Variants in PSME4 observed in about 807,000 individuals in gnomAD.
PSME4 encodes proteasome activator subunit 4, also known as proteasome activator complex subunit 4.
In PSME4, 89 loss-of-function variants were observed where a neutral mutation model predicts 253.9. That is an observed-to-expected ratio of 0.35 (90% CI 0.30 to 0.42). The LOEUF is 0.42. Among genes scored for constraint, PSME4 ranks in the 10% least tolerant of loss-of-function variants. PSME4 has a pLI of 1.00. For synonymous variants in PSME4, 851 were observed against 759.2 expected, an observed-to-expected ratio of 1.12 and a Z score of -1.99; for missense variants, 2,014 against 2,195.2, an observed-to-expected ratio of 0.92 and a Z score of 1.65.
intron 41 of PSME4, among the ~76,000 whole-genome samples, chr2:53,876,723 T>A (rs940963684): frequency 7.6e-6 from 1 of 132,362 alleles, no homozygotes; most frequent in Non-Finnish European, 1.6e-5. Context: ...ATTCTTTTTT[T>A]TTTTTTTTTT....
At chr2:53,892,671 T>A (rs1679964971) in intron 36 of PSME4, 137 bp downstream of exon 36, 1 of 708,470 alleles carries the variant, frequency 1.4e-6, no homozygotes, top group Admixed American at 3.5e-5. Context: ...TCAAAAGCAA[T>A]GTCTACATAT....
At chr2:53,970,452 G>T in intron 1 of PSME4, 91 bp downstream of exon 1, 1 of 1,527,234 alleles carries the variant, frequency 6.5e-7, no homozygotes, top group East Asian at 2.5e-5. Flanking sequence ...CAGAGCTAAG[G>T]GTCCAGCCCT....
In PSME4 at chr2:53,970,935, CG is replaced by C. The variant is rs552470629; in HGVS notation, c.-152del. ...CGATCGCTAGGCCCCCTTCCCTGGC[CG>C]GCGTGCTGCTGGGCCCCACGCGGCT... On this transcript the variant is annotated 5_prime_UTR_variant, in exon 1 of 47. Transcript: ENST00000404125. 1 of 603,932 alleles carries C rather than the reference CG, an allele frequency of 1.7e-6. No individual in the cohort carries two copies. Among genetic ancestry groups the C allele is most frequent in the Non-Finnish European group, 2.6e-6 (1 of 381,840 alleles). The allele number at this position is 603,932 out of a possible 1,614,324, so 37.4% of individuals were successfully genotyped here.
At chr2:53,884,460 C>T (rs748957203) in intron 41 of PSME4, among the ~76,000 whole-genome samples, 4 of 152,186 alleles carry the variant, frequency 2.6e-5, no homozygotes, top group South Asian at 2.1e-4. Flanking sequence ...CCACCCGCCT[C>T]GGCCTCCCAA....
intron 37 of PSME4, among the ~76,000 whole-genome samples, chr2:53,889,762 C>G (rs1351678468): frequency 6.6e-6 from 1 of 152,114 alleles, no homozygotes; most frequent in African/African-American, 2.4e-5. Flanking sequence ...AGTGACATTT[C>G]CAAATACATG....
chr2:53,927,997 A>G, intron 11 of PSME4, 120 bp downstream of exon 11: 1 of 662,744 alleles, frequency 1.5e-6, no homozygotes, highest in South Asian at 3.0e-5. Context: ...ATTAAATTAT[A>G]CAACATTTAT....
chr2:53,918,952 G>A (rs112733109), intron 20 of PSME4, among the ~76,000 whole-genome samples, 199 bp downstream of exon 20: 3 of 151,958 alleles, frequency 2.0e-5, no homozygotes, highest in African/African-American at 7.2e-5. Flanking sequence ...ATTCTATCCT[G>A]GTACCATGTG....
chr2:53,906,974 CTGGTGAG>C, intron 24 of PSME4, 106 bp from the exon 25 acceptor site: 1 of 932,706 alleles, frequency 1.1e-6, no homozygotes, highest in Non-Finnish European at 1.7e-6. Context: ...CCCTGGTTGA[CTGGTGAG>C]TGGTGGTGGT....
intron 44 of PSME4, among the ~76,000 whole-genome samples, chr2:53,867,502 GAAAA>G (rs35076319): frequency 1.0e-5 from 1 of 100,094 alleles, no homozygotes; most frequent in African/African-American, 4.0e-5. Context: ...CCGTCTCAAG[GAAAA>G]AAAAAAAAAA....
intron 3 of PSME4, among the ~76,000 whole-genome samples, chr2:53,944,961 T>C (rs1187270278): frequency 6.6e-6 from 1 of 152,038 alleles, no homozygotes; most frequent in Non-Finnish European, 1.5e-5. Context: ...GAACAATACA[T>C]GTAAAAGAGA....
intron 1 of PSME4, among the ~76,000 whole-genome samples, chr2:53,952,234 G>A (rs980941349): frequency 1.2e-4 from 18 of 151,986 alleles, no homozygotes; most frequent in Non-Finnish European, 1.8e-4. Flanking sequence ...TTAGGAGTTC[G>A]AGACCACCAG....
rs769025434 is a variant in PSME4 at position 53,932,675 on chromosome 2, C to A, written c.1043G>T (p.Arg348Leu). Residue 348 changes from arginine (R) to leucine (L), a missense_variant, in exon 9 of 47, where the codon CGC becomes CTC. By Grantham distance (102) the Arg-to-Leu change is moderately radical. Transcript: ENST00000404125. ...TSFYHPSNNG[R>L]WLNKLMKLLQ... is the part of the protein sequence containing the mutation. ...CAAAACGAAGTTACTCACCAGCCAGCGCCCATTATTTGAAGGATGGTAAAA... is the reference window on the plus strand; with the variant it reads ...CAAAACGAAGTTACTCACCAGCCAGAGCCCATTATTTGAAGGATGGTAAAA... 2 of 1,610,888 alleles carry A rather than the reference C, an allele frequency of 1.2e-6. No homozygotes were observed.
intron 20 of PSME4, among the ~76,000 whole-genome samples, chr2:53,911,407 A>AC (rs1667822046): frequency 6.6e-6 from 1 of 152,168 alleles, no homozygotes; most frequent in South Asian, 2.1e-4. Context: ...CCACTGGCAA[A>AC]CCTGAGCATC....
At chr2:53,896,256 CA>C (rs1322850926) in intron 32 of PSME4, among the ~76,000 whole-genome samples, 1 of 152,064 alleles carries the variant, frequency 6.6e-6, no homozygotes, top group Admixed American at 6.6e-5. Context: ...AGACTTTACT[CA>C]AATTTTGACA....
At chr2:53,933,646 T>C (rs1668964188) in intron 8 of PSME4, among the ~76,000 whole-genome samples, 1 of 152,200 alleles carries the variant, frequency 6.6e-6, no homozygotes, top group Non-Finnish European at 1.5e-5. Flanking sequence ...CTTCCCAAAG[T>C]GCTAGGATTA....
chr2:53,879,347 T>C (rs1165410355), intron 41 of PSME4, among the ~76,000 whole-genome samples: 4 of 152,236 alleles, frequency 2.6e-5, no homozygotes, highest in Admixed American at 1.3e-4. Flanking sequence ...TCCTATCGTA[T>C]GAATCATTCC....
chr2:53,954,664 C>A lies in PSME4; in HGVS notation c.243-5381G>T, dbSNP rs574155145. Among the ~76,000 whole-genome samples the A allele has an allele frequency of 8.6e-5, 13 of 151,998 alleles. No individual in the cohort carries two copies. The South Asian group carries it at 2.3e-3, about 27-fold the overall frequency. On this transcript the variant is annotated intron_variant, in intron 1 of 46. Coordinates refer to ENST00000404125, the MANE Select transcript of PSME4 (RefSeq NM_014614.3). The stretch of plus-strand genomic sequence containing the variant: ...GATCAGCCTGGCCAACATGGCAAAA[C>A]CTCCACCTCTTCTAAAAAATACAAA...
At chr2:53,872,896 T>TAA (rs36003427) in intron 43 of PSME4, among the ~76,000 whole-genome samples, 3 of 146,522 alleles carry the variant, frequency 2.0e-5, no homozygotes, top group African/African-American at 5.0e-5. Flanking sequence ...AATAAGAAAT[T>TAA]AAAAAAAAAA....
chr2:53,889,405 T>G (rs184487954), intron 37 of PSME4, among the ~76,000 whole-genome samples: 1 of 152,268 alleles, frequency 6.6e-6, no homozygotes, highest in African/African-American at 2.4e-5. Context: ...GCTGTTATAC[T>G]GTATTGTTTA....
Sources: allele counts gnomAD v4.1 joint callset (sites outside exome capture counted in the v4.1 genomes callset), GRCh38; gene constraint gnomAD v4.1.1; transcripts MANE v1.5; gene names NCBI Gene and HGNC (gene_info 2026-07-23, HGNC 2026-07-21).